SBF2: variants seen among roughly 807,000 people sequenced by gnomAD.
SBF2 encodes the protein SET binding factor 2, also known as myotubularin-related protein 13.
A neutral mutation model predicts 225.2 loss-of-function variants in SBF2; 112 were observed. The ratio of observed to expected loss-of-function variants is 0.50; its 90% CI spans 0.43 to 0.58. SBF2 has a LOEUF of 0.58. Ranked by LOEUF, SBF2 falls within the 20% of genes least tolerant of loss-of-function variation. The pLI, the probability that SBF2 is intolerant of heterozygous loss-of-function variation, is 0.00. For synonymous variants in SBF2, 763 were observed against 773.3 expected (o/e 0.99, Z 0.22); for missense variants, 1,996 against 2,206.2 (o/e 0.90, Z 1.91).
intron 2 of SBF2, among the ~76,000 whole-genome samples, chr11:10,064,680 G>A (rs933734091): frequency 6.6e-6 from 1 of 152,050 alleles, no homozygotes; most frequent in African/African-American, 2.4e-5. Flanking sequence ...TTTTTAAACA[G>A]GAAGAAGACA....
intron 2 of SBF2, among the ~76,000 whole-genome samples, chr11:10,082,146 T>C (rs11604907): frequency 0.031 from 4,699 of 152,192 alleles, 139 homozygotes; most frequent in Admixed American, 0.093. Flanking sequence ...ATGGATAAGT[T>C]CCTGGAAACA....
At chr11:10,175,132 T>C (rs1196711066) in intron 2 of SBF2, among the ~76,000 whole-genome samples, 2 of 149,858 alleles carry the variant, frequency 1.3e-5, no homozygotes, top group Non-Finnish European at 3.0e-5. Flanking sequence ...GCTAACATCA[T>C]AATGACAGGA....
At chr11:9,868,047 T>G (rs1455416679) in intron 17 of SBF2, among the ~76,000 whole-genome samples, 5 of 152,172 alleles carry the variant, frequency 3.3e-5, no homozygotes, top group Non-Finnish European at 7.3e-5. Context: ...TTTGAGGTGA[T>G]GGATATTCTA....
At position 10,197,429 on chromosome 11, in the gene SBF2, C is replaced by T. The variant is rs536787572; in HGVS notation, c.56-3442G>A. 4.6e-5 allele frequency among the ~76,000 whole-genome samples: 7 copies of T among 152,290 alleles called. No homozygotes were observed. The East Asian group carries it at 7.7e-4, about 17-fold the overall frequency. ...CTGTAGTCTATTAAGTGTGCAACAG[C>T]GTTACGCCTAAAAGATGTACATGCT... On this transcript the variant is annotated intron_variant, in intron 1 of 39. Transcript: ENST00000256190.
chr11:9,855,711 GAC>G (rs1857267363), intron 19 of SBF2, among the ~76,000 whole-genome samples: 1 of 152,158 alleles, frequency 6.6e-6, no homozygotes, highest in Admixed American at 6.5e-5. Context: ...TGACATGAAA[GAC>G]AATGCAAAGT....
chr11:9,994,200 C>T (rs1268441183), intron 9 of SBF2, among the ~76,000 whole-genome samples: 6 of 152,016 alleles, frequency 3.9e-5, no homozygotes, highest in African/African-American at 9.7e-5. Context: ...TTCGGCCGGG[C>T]GCGGTGGCTC....
In SBF2 at chr11:10,143,219, G is replaced by A. The variant is rs558930419; in HGVS notation, c.141+50683C>T. 4.6e-5 allele frequency among the ~76,000 whole-genome samples: 7 copies of A among 151,888 alleles called. No homozygotes were observed. The East Asian group carries it at 1.4e-3, about 29-fold the overall frequency. ...AGAATTTTGCTCCTGTTGCCCAGGC[G>A]GGAGTGCAATGGCGCAATCTCGGCT... On this transcript the variant is annotated intron_variant, in intron 2 of 39. Coordinates refer to ENST00000256190, the MANE Select transcript of SBF2 (RefSeq NM_030962.4).
chr11:10,277,922 T>G (rs1188872073), intron 1 of SBF2, among the ~76,000 whole-genome samples: 1 of 152,212 alleles, frequency 6.6e-6, no homozygotes, highest in African/African-American at 2.4e-5. Context: ...AGAATGGTGT[T>G]TGTTTTAAAT....
At chr11:9,973,942 A>T (rs58687525) in intron 13 of SBF2, among the ~76,000 whole-genome samples, 37,297 of 152,134 alleles carry the variant, frequency 0.25, 4,666 homozygotes, top group East Asian at 0.31. Flanking sequence ...AAATTATTTA[A>T]CGTGCACAAA....
chr11:9,999,671 TGGA>T (rs1947867612), intron 8 of SBF2, among the ~76,000 whole-genome samples: 2 of 152,124 alleles, frequency 1.3e-5, no homozygotes, highest in Non-Finnish European at 2.9e-5. Flanking sequence ...ACAAACCAGG[TGGA>T]TATGCTTCTA....
Position 10,169,619 on chromosome 11 carries a change from G to A in SBF2, c.141+24283C>T, listed in dbSNP as rs768216540. Among the ~76,000 whole-genome samples, 28 of 152,280 alleles carry A rather than the reference G, an allele frequency of 1.8e-4. 1 individual carries two copies. In the Middle Eastern group the frequency reaches 0.01, roughly 55 times the overall value. On this transcript the variant is annotated intron_variant, in intron 2 of 39. Coordinates refer to ENST00000256190, the MANE Select transcript of SBF2 (RefSeq NM_030962.4). Reference sequence around the variant, plus strand: ...GTTGCTTCCAAATCTTGGCCATTGTGAATAGTGTTGCAGTAAACATGGGAG... The same window carrying A: ...GTTGCTTCCAAATCTTGGCCATTGTAAATAGTGTTGCAGTAAACATGGGAG...
intron 1 of SBF2, among the ~76,000 whole-genome samples, chr11:10,290,309 C>T (rs2135583983): frequency 6.6e-6 from 1 of 151,852 alleles, no homozygotes; most frequent in African/African-American, 2.4e-5. Context: ...CTTCAGAGCC[C>T]AAGCATTAAG....
intron 1 of SBF2, among the ~76,000 whole-genome samples, chr11:10,245,394 C>T (rs768810698): frequency 2.6e-5 from 4 of 152,028 alleles, no homozygotes; most frequent in Non-Finnish European, 5.9e-5. Context: ...TGCACTCCAG[C>T]CTGGGCAACA....
intron 17 of SBF2, among the ~76,000 whole-genome samples, chr11:9,861,340 A>C (rs1273878870): frequency 6.6e-6 from 1 of 152,182 alleles, no homozygotes; most frequent in Non-Finnish European, 1.5e-5. Context: ...GACTACATGC[A>C]TGTACTGCCA....
intron 2 of SBF2, among the ~76,000 whole-genome samples, chr11:10,064,849 CT>C (rs1565189639): frequency 2.6e-5 from 4 of 152,136 alleles, no homozygotes; most frequent in African/African-American, 9.7e-5. Flanking sequence ...TCAAAACCCC[CT>C]CTCAATAACA....
At chr11:9,964,561 AT>A (rs1312323909) in intron 14 of SBF2, among the ~76,000 whole-genome samples, 4 of 152,238 alleles carry the variant, frequency 2.6e-5, no homozygotes, top group African/African-American at 9.6e-5. Context: ...AAAATATTAG[AT>A]ATTACACATT....
At chr11:10,178,696 A>G (rs1591147857) in intron 2 of SBF2, among the ~76,000 whole-genome samples, 2 of 143,704 alleles carry the variant, frequency 1.4e-5, no homozygotes, top group African/African-American at 2.6e-5. Context: ...AGGAAACAAC[A>G]GGTGCTAGAG....
At chr11:10,162,167 C>A (rs190663426) in intron 2 of SBF2, among the ~76,000 whole-genome samples, 56 of 150,450 alleles carry the variant, frequency 3.7e-4, no homozygotes, top group Non-Finnish European at 7.7e-4. Context: ...TTAACAGCCC[C>A]AAATCACCTA....
chr11:9,960,304 T>C (rs1351443610), intron 16 of SBF2: 2 of 152,196 alleles, frequency 1.3e-5, no homozygotes, highest in Admixed American at 1.3e-4. Flanking sequence ...GCACTAGTTG[T>C]GACTAGTTTA....
Sources: gnomAD v4.1 joint callset for allele counts (sites outside exome capture counted in the v4.1 genomes callset) on GRCh38, gnomAD v4.1.1 for gene constraint, MANE v1.5 for transcripts, NCBI Gene and HGNC (gene_info 2026-07-23, HGNC 2026-07-21) for gene names.